Variants in EYS observed in about 807,000 individuals in gnomAD.
The protein encoded by EYS is EGF-like photoreceptor maintenance factor, also known as protein eyes shut homolog.
In EYS, 250 loss-of-function variants were observed where a neutral mutation model predicts 282.1. The ratio of observed to expected loss-of-function variants is 0.89; its 90% CI spans 0.80 to 0.98. The LOEUF is 0.98. EYS is among the 50% of genes least tolerant of loss of function. The pLI, the probability that EYS is intolerant of heterozygous loss-of-function variation, is 0.00. For synonymous variants in EYS, 1,355 were observed against 1,282.9 expected (o/e 1.06, Z -1.20); for missense variants, 4,016 against 3,709.0 (o/e 1.08, Z -2.15).
At position 65,567,323 on chromosome 6, in the gene EYS, C is replaced by T. The variant is rs187237194; in HGVS notation, c.-332-71330G>A. Among the ~76,000 whole-genome samples, 140 of 149,866 alleles carry T rather than the reference C, an allele frequency of 9.3e-4. 1 individual carries two copies. Among genetic ancestry groups the T allele is most frequent in the Middle Eastern group, 3.5e-3 (1 of 282 alleles). ...ATAAATTAAATATAAGTTACCTGTTCTAACAGATACATTTTCTAAAATGGT... is the reference window on the plus strand; with the variant it reads ...ATAAATTAAATATAAGTTACCTGTTTTAACAGATACATTTTCTAAAATGGT... On this transcript the variant is annotated intron_variant, in intron 2 of 42. Transcript: ENST00000503581.
At chr6:65,296,497 GA>G (rs922909927) in intron 11 of EYS, among the ~76,000 whole-genome samples, 43 of 151,014 alleles carry the variant, frequency 2.8e-4, no homozygotes, top group Admixed American at 7.3e-4. Flanking sequence ...GAAAGTAATG[GA>G]AAAAAATCAC....
intron 22 of EYS, among the ~76,000 whole-genome samples, chr6:64,731,201 T>A (rs947855623): frequency 6.6e-6 from 1 of 151,928 alleles, no homozygotes; most frequent in African/African-American, 2.4e-5. Flanking sequence ...GGCAATACCA[T>A]CCAGGACATA....
intron 35 of EYS, among the ~76,000 whole-genome samples, chr6:63,905,329 C>CTTTTTTTTT (rs377115720): frequency 6.8e-5 from 8 of 118,286 alleles, no homozygotes; most frequent in Admixed American, 9.2e-5. Flanking sequence ...CTTTTTTTTT[C>CTTTTTTTTT]TTTTTTTTTT....
chr6:65,573,873 ACTGTTACTAAT>A (rs1244158083), intron 2 of EYS, among the ~76,000 whole-genome samples: 7 of 152,090 alleles, frequency 4.6e-5, no homozygotes, highest in Non-Finnish European at 8.8e-5. Flanking sequence ...CACCTTGCAT[ACTGTTACTAAT>A]GTGGCAGTGT....
chr6:64,341,494 A>G (rs1236033088), intron 29 of EYS, among the ~76,000 whole-genome samples: 2 of 151,722 alleles, frequency 1.3e-5, no homozygotes, highest in African/African-American at 2.4e-5. Flanking sequence ...GTAAGTATTG[A>G]GCAACCATGG....
At chr6:64,414,961 T>G (rs1018521834) in intron 28 of EYS, among the ~76,000 whole-genome samples, 9 of 152,214 alleles carry the variant, frequency 5.9e-5, no homozygotes, top group Non-Finnish European at 1.2e-4. Flanking sequence ...TAATTACCTT[T>G]GAAATAAAGT....
At chr6:64,165,519 A>T (rs955077654) in intron 31 of EYS, among the ~76,000 whole-genome samples, 5 of 152,104 alleles carry the variant, frequency 3.3e-5, no homozygotes, top group Non-Finnish European at 7.4e-5. Context: ...AATTTGGAAA[A>T]TGTATACTTC....
At chr6:63,867,795 T>C (rs182746687) in intron 35 of EYS, among the ~76,000 whole-genome samples, 3 of 152,280 alleles carry the variant, frequency 2.0e-5, no homozygotes, top group Admixed American at 2.0e-4. Context: ...CAGATTTCCA[T>C]GCTCCTCTTG....
intron 16 of EYS, among the ~76,000 whole-genome samples, chr6:64,908,175 G>A (rs990222312): frequency 2.0e-5 from 3 of 152,128 alleles, no homozygotes; most frequent in Non-Finnish European, 4.4e-5. Flanking sequence ...CATCTACTTG[G>A]TCTATTATGC....
At chr6:63,925,968 C>T (rs1764705751) in intron 35 of EYS, among the ~76,000 whole-genome samples, 1 of 152,164 alleles carries the variant, frequency 6.6e-6, no homozygotes, top group Admixed American at 6.5e-5. Flanking sequence ...TTAAGCACCG[C>T]ATGCATTAGC....
rs138365677 is a variant in EYS, at chr6:63,872,528, G to C, written c.7056-8170C>G. The stretch of plus-strand genomic sequence containing the variant: ...AGTCTCGCTCTTGTCACCCAGGCTG[G>C]AGTGCAGTGGTGTGAATTCGGTTCA... On this transcript the variant is annotated intron_variant, in intron 35 of 42. Transcript: ENST00000503581. 1.8e-3 allele frequency among the ~76,000 whole-genome samples: 274 copies of C among 148,454 alleles called. 1 individual carries two copies. Among genetic ancestry groups the C allele is most frequent in the African/African-American group, 6.6e-3 (264 of 39,752 alleles).
intron 32 of EYS, among the ~76,000 whole-genome samples, chr6:64,077,823 T>C (rs1314284547): frequency 6.6e-6 from 1 of 152,034 alleles, no homozygotes; most frequent in Non-Finnish European, 1.5e-5. Context: ...TGTGGTCTCA[T>C]CCCTTCTCTC....
chr6:63,889,513 G>T (rs1437491439), intron 35 of EYS, among the ~76,000 whole-genome samples: 2 of 152,140 alleles, frequency 1.3e-5, no homozygotes, highest in Non-Finnish European at 2.9e-5. Context: ...TTCATATCCA[G>T]CCAAACTATG....
chr6:65,426,260 T>A (rs1457497659), intron 5 of EYS, among the ~76,000 whole-genome samples: 1 of 152,110 alleles, frequency 6.6e-6, no homozygotes, highest in Non-Finnish European at 1.5e-5. Flanking sequence ...ACTTAAGGCA[T>A]AAGCCACTAC....
intron 13 of EYS, among the ~76,000 whole-genome samples, chr6:65,032,684 T>G (rs932403588): frequency 6.6e-6 from 1 of 152,150 alleles, no homozygotes; most frequent in Non-Finnish European, 1.5e-5. Flanking sequence ...TCTCTTTTTT[T>G]TTTTAAATAA....
At chr6:64,246,107 G>A (rs972863371) in intron 30 of EYS, among the ~76,000 whole-genome samples, 3 of 137,064 alleles carry the variant, frequency 2.2e-5, no homozygotes, top group Non-Finnish European at 3.1e-5. Context: ...CTAGTTTATT[G>A]TTATAAATAA....
chr6:63,810,013 G>A (rs374825393), intron 36 of EYS, among the ~76,000 whole-genome samples: 15 of 151,068 alleles, frequency 9.9e-5, no homozygotes, highest in African/African-American at 3.6e-4. Flanking sequence ...AGGCCGAGGC[G>A]GGTGGATCAT....
Position 65,010,307 on chromosome 6 carries a change from T to C in EYS, c.2138-12604A>G, listed in dbSNP as rs536136644. Among the ~76,000 whole-genome samples the C allele has an allele frequency of 2.0e-5, 3 of 152,300 alleles. No individual in the cohort carries two copies. In the South Asian group the frequency reaches 6.2e-4, roughly 32 times the overall value. ...AGTTAAAATAATACAGGGATCTTAC[T>C]GTGTGGACATCCATGATGTGAATGG... On this transcript the variant is annotated intron_variant, in intron 13 of 42. Transcript: ENST00000503581.
At chr6:64,162,531 C>T (rs1320740541) in intron 31 of EYS, among the ~76,000 whole-genome samples, 3 of 152,084 alleles carry the variant, frequency 2.0e-5, no homozygotes, top group African/African-American at 7.2e-5. Context: ...GGCATTATCC[C>T]TCTGCTAAAA....
Sources: allele counts gnomAD v4.1 joint callset (sites outside exome capture counted in the v4.1 genomes callset), GRCh38; gene constraint gnomAD v4.1.1; transcripts MANE v1.5; gene names NCBI Gene and HGNC (gene_info 2026-07-23, HGNC 2026-07-21).